RAD51B: variants seen among roughly 807,000 people sequenced by gnomAD.
The protein encoded by RAD51B is RAD51 paralog B, also known as DNA repair protein RAD51 homolog 2.
In RAD51B, 38 loss-of-function variants were observed where a neutral mutation model predicts 42.2. That is an observed-to-expected ratio of 0.90 (90% CI 0.70 to 1.18). The LOEUF (loss-of-function observed/expected upper bound fraction) is 1.18, where lower values mean the gene tolerates loss of function less well. RAD51B is among the 50% of genes most tolerant of loss of function. The pLI is 0.00. For missense variants in RAD51B, 373 were observed against 400.7 expected (o/e 0.93, Z 0.59); for synonymous variants, 154 against 145.2 (o/e 1.06, Z -0.43).
rs371005622 is a variant in RAD51B at position 68,528,981 on chromosome 14, A to G, written c.1036+60731A>G. ...TGGTCCGTCCAACTCCAAGGAATTC[A>G]CAACCCTATTCTGTTTCATCAAATA... On this transcript the variant is annotated intron_variant, in intron 10 of 10. Coordinates refer to the RAD51B transcript ENST00000487270. Among the ~76,000 whole-genome samples, 34 of 152,330 alleles carry G rather than the reference A, an allele frequency of 2.2e-4. No individual in the cohort carries two copies. In the East Asian group the frequency reaches 5.2e-3, roughly 23 times the overall value.
At chr14:68,452,620 GAACT>G (rs1224143157) in intron 9 of RAD51B, among the ~76,000 whole-genome samples, 1 of 152,158 alleles carries the variant, frequency 6.6e-6, no homozygotes, top group East Asian at 1.9e-4. Flanking sequence ...GCAGACCATT[GAACT>G]AACTCTTTAG....
rs2082646767 is a variant in RAD51B, at chr14:68,344,942, ATC to A, written c.853+52965_853+52966del. On this transcript the variant is annotated intron_variant, in intron 8 of 10. Transcript: ENST00000471583. The stretch of plus-strand genomic sequence containing the variant: ...AGCCTGGGCAACAGTGTAAGACTCA[ATC>A]TCAAAAAAAAAAAAAAAAAAAAACA... 4.3e-5 allele frequency among the ~76,000 whole-genome samples: 4 copies of A among 93,300 alleles called. No individual in the cohort carries two copies. The South Asian group carries it at 1.6e-3, about 38-fold the overall frequency. The allele number at this position is 93,300 out of a possible 152,430, so 61.2% of individuals were successfully genotyped here.
chr14:68,373,003 G>A (rs1229939692), intron 8 of RAD51B, among the ~76,000 whole-genome samples: 1 of 152,188 alleles, frequency 6.6e-6, no homozygotes, highest in Admixed American at 6.5e-5. Flanking sequence ...ACTTAGTGTG[G>A]TAAGTGTCTC....
chr14:68,265,688 G>A (rs1377426112), intron 7 of RAD51B, among the ~76,000 whole-genome samples: 1 of 152,136 alleles, frequency 6.6e-6, no homozygotes, highest in East Asian at 1.9e-4. Context: ...GGAGGCGGAG[G>A]TTGCAATGAG....
intron 10 of RAD51B, among the ~76,000 whole-genome samples, chr14:68,603,379 G>T (rs1891303343): frequency 6.6e-6 from 1 of 152,192 alleles, no homozygotes; most frequent in Admixed American, 6.5e-5. Flanking sequence ...AAATAGCTCA[G>T]AACACTGACA....
intron 10 of RAD51B, among the ~76,000 whole-genome samples, chr14:68,619,473 GA>G (rs1012100748): frequency 5.3e-4 from 70 of 132,782 alleles, no homozygotes; most frequent in African/African-American, 1.6e-3. Context: ...AAAAAAAAAA[GA>G]AAAAAAAAAG....
intron 10 of RAD51B, chr14:68,497,290 T>C: frequency 7.8e-7 from 1 of 1,283,998 alleles, no homozygotes; most frequent in Non-Finnish European, 1.0e-6. Flanking sequence ...TCAGCTTAAG[T>C]CATGGAATTC....
intron 10 of RAD51B, among the ~76,000 whole-genome samples, chr14:68,504,805 C>A (rs1885191553): frequency 6.7e-6 from 1 of 150,060 alleles, no homozygotes. Context: ...AATTTCTTCA[C>A]TAGACACTGG....
At chr14:67,990,146 C>T (rs772264233) in intron 7 of RAD51B, among the ~76,000 whole-genome samples, 55 of 151,894 alleles carry the variant, frequency 3.6e-4, no homozygotes, top group East Asian at 9.7e-4. Context: ...TACAGGTGCA[C>T]GCCACCATGA....
intron 9 of RAD51B, among the ~76,000 whole-genome samples, chr14:68,419,305 T>G (rs763643821): frequency 6.6e-6 from 1 of 152,158 alleles, no homozygotes; most frequent in Non-Finnish European, 1.5e-5. Flanking sequence ...CTGGTGACTT[T>G]TAGTAGATAG....
At chr14:68,151,689 A>G (rs1003386887) in intron 7 of RAD51B, among the ~76,000 whole-genome samples, 6 of 151,852 alleles carry the variant, frequency 4.0e-5, no homozygotes, top group Non-Finnish European at 8.8e-5. Context: ...TCTCTTTTGC[A>G]ATGTTTAATC....
chr14:68,012,220 T>C (rs1164431512), intron 7 of RAD51B, among the ~76,000 whole-genome samples: 1 of 152,136 alleles, frequency 6.6e-6, no homozygotes, highest in Admixed American at 6.6e-5. Context: ...GAAAGTGTGT[T>C]TTCTTAATTT....
At chr14:68,670,278 G>T (rs1041843202) in intron 11 of RAD51B, among the ~76,000 whole-genome samples, 1 of 152,182 alleles carries the variant, frequency 6.6e-6, no homozygotes, top group Non-Finnish European at 1.5e-5. Context: ...ATGGGGCTCC[G>T]GGGCTTGGTG....
rs560213446 is a variant in RAD51B, at chr14:67,934,074, C to T, written c.756+46870C>T. Among the ~76,000 whole-genome samples the T allele has an allele frequency of 7.2e-5, 11 of 152,264 alleles. No individual in the cohort carries two copies. In the South Asian group the frequency reaches 1.2e-3, roughly 17 times the overall value. On this transcript the variant is annotated intron_variant, in intron 7 of 10. Coordinates refer to ENST00000471583, the MANE Select transcript of RAD51B (RefSeq NM_133510.4). Reference sequence around the variant, plus strand: ...ATGGGTTCATTGTATCTGATGCTGCCGTTAGACCAAGCTGGCACCACAGAA... The same window carrying T: ...ATGGGTTCATTGTATCTGATGCTGCTGTTAGACCAAGCTGGCACCACAGAA...
intron 10 of RAD51B, among the ~76,000 whole-genome samples, chr14:68,553,056 C>T (rs543186879): frequency 1.3e-5 from 2 of 152,246 alleles, no homozygotes; most frequent in African/African-American, 4.8e-5. Flanking sequence ...TGTATATTTC[C>T]TTCCAGTCTT....
intron 5 of RAD51B, among the ~76,000 whole-genome samples, chr14:67,880,065 A>C (rs2042857167): frequency 6.6e-6 from 1 of 152,220 alleles, no homozygotes; most frequent in Admixed American, 6.5e-5. Flanking sequence ...TCACTGTCTT[A>C]TGGAGTTCTA....
chr14:68,067,967 A>C (rs1429048829), intron 7 of RAD51B, among the ~76,000 whole-genome samples: 4 of 149,434 alleles, frequency 2.7e-5, no homozygotes, highest in Non-Finnish European at 5.9e-5. Flanking sequence ...AAAGAAGGAC[A>C]CTATGGAAAT....
At chr14:68,319,526 A>G (rs1209362305) in intron 8 of RAD51B, among the ~76,000 whole-genome samples, 2 of 152,266 alleles carry the variant, frequency 1.3e-5, no homozygotes, top group Non-Finnish European at 1.5e-5. Flanking sequence ...AAGTCCAGTC[A>G]TACCAAGTGA....
intron 4 of RAD51B, among the ~76,000 whole-genome samples, chr14:67,851,261 A>G (rs992346117): frequency 6.6e-6 from 1 of 151,906 alleles, no homozygotes; most frequent in African/African-American, 2.4e-5. Flanking sequence ...ATGAGTCTTG[A>G]TGGGGCTGGA....
Sources: gnomAD v4.1 joint callset for allele counts (sites outside exome capture counted in the v4.1 genomes callset) on GRCh38, gnomAD v4.1.1 for gene constraint, MANE v1.5 for transcripts, NCBI Gene and HGNC (gene_info 2026-07-23, HGNC 2026-07-21) for gene names.